The following ACTRT3 variants were observed in gnomAD, a reference collection of about 807,000 sequenced individuals.
The protein encoded by ACTRT3 is actin-related protein T3.
ACTRT3 carries 15 observed loss-of-function variants against 17.6 expected under a neutral mutation model. The observed-to-expected ratio is 0.85, with a 90% CI of 0.57 to 1.31. The LOEUF (loss-of-function observed/expected upper bound fraction) is 1.31. Among genes scored for constraint, ACTRT3 ranks in the 50% most tolerant of loss-of-function variants. ACTRT3 has a pLI of 0.00. For missense variants in ACTRT3, 457 were observed against 466.7 expected, an observed-to-expected ratio of 0.98 and a Z score of 0.19; for synonymous variants, 169 against 176.4, an observed-to-expected ratio of 0.96 and a Z score of 0.33.
At position 169,768,025 on chromosome 3, in the gene ACTRT3, G is replaced by C. The variant is rs774443787; in HGVS notation, c.526C>G (p.Gln176Glu). The change falls in exon 2 of 2, where the codon CAA (glutamine) becomes GAA (glutamate). Residue 176 changes from glutamine to glutamate, a missense_variant. Transcript: ENST00000330368. ...EGYCLPHGVQ[Q>E]LDLAGLDLTN... is the part of the protein sequence containing the mutation. ...AGGTCAAGGCCTGCCAGATCCAGTT[G>C]CTGCACACCATGAGGCAGACAGTAA... 6.2e-7 allele frequency: 1 copy of C among 1,614,150 alleles called. No individual in the cohort carries two copies. The highest frequency in any genetic ancestry group is 8.5e-7 in the Non-Finnish European group (1 of 1,180,032).
rs148598914 is a variant in ACTRT3 at position 169,768,139 on chromosome 3, C to G, written c.412G>C (p.Val138Leu). Residue 138 changes from valine to leucine, a missense_variant, in exon 2 of 2, where the codon GTG becomes CTG. Coordinates refer to ENST00000330368, the MANE Select transcript of ACTRT3 (RefSeq NM_032487.5). ...VPAFYMSIQAVLALFAAGFTT... is the reference protein window; with the variant it reads ...VPAFYMSIQALLALFAAGFTT... ...AAGCCAGCAGCAAAGAGAGCCAGCA[C>G]AGCCTGGATGGACATATAGAAGGCA... 1 of 1,613,958 alleles carries G rather than the reference C, an allele frequency of 6.2e-7. No homozygotes were observed. The highest frequency in any genetic ancestry group is 1.1e-5 in the South Asian group (1 of 91,078).
chr3:169,768,203 T>C lies in ACTRT3; in HGVS notation c.348A>G (p.Gln116=). 6.2e-7 allele frequency: 1 copy of C among 1,614,038 alleles called. No homozygotes were observed. ...GCTCAAAAAACATTTCCGTGATCTG[T>C]TGCCGGTTGGCCAGTGGGTTCAGCG... is the stretch of plus-strand genomic sequence containing the variant. ...EPALNPLANR[Q]QITEMFFEHL... The change falls in exon 2 of 2, where the codon CAA becomes CAG. Residue 116 remains glutamine, a synonymous_variant. Transcript: ENST00000330368.
At position 169,767,659 on chromosome 3, in the gene ACTRT3, C is replaced by T. The variant is rs778307860; in HGVS notation, c.892G>A (p.Gly298Arg). Residue 298 changes from glycine (G) to arginine (R), a missense_variant, in exon 2 of 2, where the codon GGG becomes AGG. By Grantham distance (125) the Gly-to-Arg change is moderately radical. Transcript: ENST00000330368. The stretch of plus-strand genomic sequence containing the variant: ...AAACCAGGGAAAGAGGTTGATCCCC[C>T]GGCAAGGATAATATTGGAAAAGAAG... ...NSFFSNIILAGGSTSFPGLDK... is the reference protein window; with the variant it reads ...NSFFSNIILARGSTSFPGLDK... 9 of 1,613,376 alleles carry T rather than the reference C, an allele frequency of 5.6e-6. No individual in the cohort carries two copies. The highest frequency in any genetic ancestry group is 3.3e-5 in the Admixed American group (2 of 59,914).
Position 169,767,521 on chromosome 3 carries a change from C to A in ACTRT3, c.1030G>T (p.Ala344Ser). Reference protein sequence around the residue: ...ISVWMGGSILASLSAFQDMWI... With the variant: ...ISVWMGGSILSSLSAFQDMWI... ...ATGTCCTGGAAGGCAGACAAGGATG[C>A]AAGAATAGAACCTCCCATCCACACT... is the stretch of plus-strand genomic sequence containing the variant. The change falls in exon 2 of 2, where the codon GCA becomes TCA. Residue 344 changes from alanine (A) to serine (S), a missense_variant. Physicochemically the swap from Ala to Ser is moderately conservative, Grantham distance 99. Transcript: ENST00000330368. The A allele has an allele frequency of 1.2e-6, 2 of 1,613,974 alleles. No homozygotes were observed. Among genetic ancestry groups the A allele is most frequent in the Non-Finnish European group, 1.7e-6 (2 of 1,179,980 alleles).
Position 169,768,369 on chromosome 3 carries a change from G to A in ACTRT3, c.201-19C>T, listed in dbSNP as rs191786284. 7.6e-6 allele frequency: 12 copies of A among 1,579,370 alleles called. No homozygotes were observed. The African/African-American group carries it at 1.6e-4, about 21-fold the overall frequency. ...TGGGTAACTGTAAGGAAAGCAATAA[G>A]ATCAATGACAGCTTTTTATTTTTCT... is the stretch of plus-strand genomic sequence containing the variant. On this transcript the variant is annotated intron_variant, in intron 1 of 1. Coordinates refer to ENST00000330368, the MANE Select transcript of ACTRT3 (RefSeq NM_032487.5).
chr3:169,768,905 C>T (rs930199088), intron 1 of ACTRT3, among the ~76,000 whole-genome samples: 1 of 152,078 alleles, frequency 6.6e-6, no homozygotes, highest in African/African-American at 2.4e-5. Context: ...GGGAAATGTC[C>T]ACATTATAGT....
chr3:169,768,750 G>A (rs1479844442), intron 1 of ACTRT3, among the ~76,000 whole-genome samples: 10 of 152,102 alleles, frequency 6.6e-5, no homozygotes, highest in South Asian at 2.1e-4. Context: ...CGATGGTCTC[G>A]AACTCCTGAC....
chr3:169,768,257 A>T lies in ACTRT3; in HGVS notation c.294T>A (p.Cys98Ter), dbSNP rs560180684. Residue 98 changes from cysteine to a stop codon, truncating the protein, a stop_gained, in exon 2 of 2, where the codon TGT (cysteine) becomes TGA (stop). Coordinates refer to ENST00000330368, the MANE Select transcript of ACTRT3 (RefSeq NM_032487.5). LOFTEE classifies it high-confidence loss of function. ...IYDYNLKLKP[C>*]DGPVLITEPA... ...GCTCAGTAATCAAGACTGGGCCATCACACGGCTTCAGCTTTAGGTTATAGT... is the reference window on the plus strand; with the variant it reads ...GCTCAGTAATCAAGACTGGGCCATCTCACGGCTTCAGCTTTAGGTTATAGT... 12 of 1,613,820 alleles carry T rather than the reference A, an allele frequency of 7.4e-6. No homozygotes were observed. The highest frequency in any genetic ancestry group is 1.0e-5 in the Non-Finnish European group (12 of 1,180,042).
chr3:169,769,373 C>G lies in ACTRT3; in HGVS notation c.148G>C (p.Glu50Gln). The change falls in exon 1 of 2, where the codon GAA becomes CAA. Residue 50 changes from glutamate to glutamine, a missense_variant. Coordinates refer to ENST00000330368, the MANE Select transcript of ACTRT3 (RefSeq NM_032487.5). ...GQSRAAQGGLELCVGDQAQDW... is the reference protein window; with the variant it reads ...GQSRAAQGGLQLCVGDQAQDW... ...TGAGCTTGGTCGCCCACGCAGAGTT[C>G]TAGCCCGCCCTGGGCCGCGCGGCTC... The G allele has an allele frequency of 6.3e-7, 1 of 1,598,102 alleles. No individual in the cohort carries two copies. The highest frequency in any genetic ancestry group is 1.7e-4 in the Middle Eastern group (1 of 6,046).
At position 169,767,764 on chromosome 3, in the gene ACTRT3, G is replaced by C. The variant is rs1253201483; in HGVS notation, c.787C>G (p.His263Asp). 1.9e-6 allele frequency: 3 copies of C among 1,614,012 alleles called. No homozygotes were observed. Among genetic ancestry groups the C allele is most frequent in the Non-Finnish European group, 2.5e-6 (3 of 1,180,056 alleles). ...ATGCCAGGGGCCTCAAGGTTCATATGACACGGAGAGAAGAGGGCCTCTGGA... is the reference window on the plus strand; with the variant it reads ...ATGCCAGGGGCCTCAAGGTTCATATCACACGGAGAGAAGAGGGCCTCTGGA... ...SCPEALFSPC[H>D]MNLEAPGIDK... The change falls in exon 2 of 2, where the codon CAT (histidine) becomes GAT (aspartate). Residue 263 changes from histidine to aspartate, a missense_variant. Physicochemically the swap from His to Asp is moderately conservative, Grantham distance 81. Transcript: ENST00000330368.
chr3:169,769,286 C>G (rs1577386601), intron 1 of ACTRT3, 35 bp downstream of exon 1: 2 of 598,414 alleles, frequency 3.3e-6, no homozygotes, highest in African/African-American at 3.6e-5. Context: ...ACCCACCCTC[C>G]CCAGCCCCAG....
At chr3:169,769,103 T>C (rs886491450) in intron 1 of ACTRT3, among the ~76,000 whole-genome samples, 26 of 138,726 alleles carry the variant, frequency 1.9e-4, no homozygotes, top group Admixed American at 1.6e-3. Flanking sequence ...TTGTAGTAAT[T>C]CCAGCTGGAT....
In ACTRT3 at chr3:169,767,571, A is replaced by G. The variant is rs754394027; in HGVS notation, c.980T>C (p.Ile327Thr). 3 of 1,614,150 alleles carry G rather than the reference A, an allele frequency of 1.9e-6. No individual in the cohort carries two copies. The highest frequency in any genetic ancestry group is 2.5e-6 in the Non-Finnish European group (3 of 1,180,040). ...VAPANTAVQV[I>T]APPERKISVW... Reference sequence around the variant, plus strand: ...TGATATTTTCCTTTCTGGAGGAGCTATAACTTGCACAGCGGTGTTGGCAGG... The same window carrying G: ...TGATATTTTCCTTTCTGGAGGAGCTGTAACTTGCACAGCGGTGTTGGCAGG... The change falls in exon 2 of 2, where the codon ATA becomes ACA. Residue 327 changes from isoleucine (I) to threonine (T), a missense_variant. By Grantham distance (89) the Ile-to-Thr change is moderately conservative (BLOSUM62 -1). Coordinates refer to ENST00000330368, the MANE Select transcript of ACTRT3 (RefSeq NM_032487.5).
chr3:169,768,419 G>A, intron 1 of ACTRT3, 69 bp from the exon 2 acceptor site: 1 of 1,392,156 alleles, frequency 7.2e-7, no homozygotes, highest in South Asian at 1.4e-5. Flanking sequence ...TCGACCCTCA[G>A]TTAATTCCCC....
Position 169,767,725 on chromosome 3 carries a change from A to G in ACTRT3, c.826T>C (p.Phe276Leu). Residue 276 changes from phenylalanine to leucine, a missense_variant, in exon 2 of 2, where the codon TTC becomes CTC. Physicochemically the swap from Phe to Leu is conservative, Grantham distance 22. Transcript: ENST00000330368. ...LEAPGIDKIC[F>L]SSIMKCDTGL... ...GTATCACATTTCATTATGCTGCTGA[A>G]GCATATCTTATCAATGCCAGGGGCC... The G allele has an allele frequency of 6.2e-7, 1 of 1,614,104 alleles. No individual in the cohort carries two copies. The highest frequency in any genetic ancestry group is 8.5e-7 in the Non-Finnish European group (1 of 1,180,034).
At position 169,769,416 on chromosome 3, in the gene ACTRT3, G is replaced by A. The variant is rs947447057; in HGVS notation, c.105C>T (p.Ile35=). 1.2e-6 allele frequency: 2 copies of A among 1,608,236 alleles called. No individual in the cohort carries two copies. The highest frequency in any genetic ancestry group is 1.4e-5 in the African/African-American group (1 of 73,442). The change falls in exon 1 of 2, where the codon ATC becomes ATT. Residue 35 remains isoleucine (I), a synonymous_variant. Transcript: ENST00000330368. ...CGCGGCTCTGGCCCTTGGCGCGGCC[G>A]ATAATGTTCGGGTAGATAAACTGGG... is the stretch of plus-strand genomic sequence containing the variant. ...REPQFIYPNI[I]GRAKGQSRAA...
In ACTRT3 at chr3:169,768,305, C is replaced by G; in HGVS notation, c.246G>C (p.Glu82Asp). The change falls in exon 2 of 2, where the codon GAG becomes GAC. Residue 82 changes from glutamate (E) to aspartate (D), a missense_variant. Coordinates refer to ENST00000330368, the MANE Select transcript of ACTRT3 (RefSeq NM_032487.5). ...RGLITSWEDMEIMWKHIYDYN... is the reference protein window; with the variant it reads ...RGLITSWEDMDIMWKHIYDYN... ...AGTCATAGATATGCTTCCACATGAT[C>G]TCCATGTCCTCCCATGAAGTAATGA... 1 of 1,613,528 alleles carries G rather than the reference C, an allele frequency of 6.2e-7. No individual in the cohort carries two copies. Among genetic ancestry groups the G allele is most frequent in the South Asian group, 1.1e-5 (1 of 91,078 alleles).
chr3:169,769,437 C>G lies in ACTRT3; in HGVS notation c.84G>C (p.Gln28His). ...GGCCGATAATGTTCGGGTAGATAAA[C>G]TGGGGCTCCCGGCACCCAGCCACGC... ...KAGVAGCREPQFIYPNIIGRA... is the reference protein window; with the variant it reads ...KAGVAGCREPHFIYPNIIGRA... Residue 28 changes from glutamine to histidine, a missense_variant, in exon 1 of 2, where the codon CAG (glutamine) becomes CAC (histidine). Coordinates refer to ENST00000330368, the MANE Select transcript of ACTRT3 (RefSeq NM_032487.5). 6.2e-7 allele frequency: 1 copy of G among 1,610,126 alleles called. No individual in the cohort carries two copies. The highest frequency in any genetic ancestry group is 1.3e-5 in the African/African-American group (1 of 74,228).
chr3:169,767,240 C>T lies in ACTRT3; in HGVS notation c.*192G>A, dbSNP rs1011553679. 29 of 457,858 alleles carry T rather than the reference C, an allele frequency of 6.3e-5. No individual in the cohort carries two copies. In the South Asian group the frequency reaches 1.1e-3, roughly 17 times the overall value. 28.4% of individuals were successfully genotyped at this position (457,858 alleles called of 1,614,324 possible). On this transcript the variant is annotated 3_prime_UTR_variant, in exon 2 of 2. Coordinates refer to ENST00000330368, the MANE Select transcript of ACTRT3 (RefSeq NM_032487.5). ...AACACTATGGGAAACATTATTTTAA[C>T]TTGGTTCTACTCAATAGACATCTGT...
Sources: allele counts gnomAD v4.1 joint callset (sites outside exome capture counted in the v4.1 genomes callset), GRCh38; gene constraint gnomAD v4.1.1; transcripts MANE v1.5; gene names NCBI Gene and HGNC (gene_info 2026-07-23, HGNC 2026-07-21).